VAV2: variants seen among roughly 807,000 people sequenced by gnomAD.
VAV2 encodes vav guanine nucleotide exchange factor 2.
A neutral mutation model predicts 132.5 loss-of-function variants in VAV2; 67 were observed. That is an observed-to-expected ratio of 0.51 (90% CI 0.42 to 0.62). VAV2 has a LOEUF of 0.62. Ranked by LOEUF, VAV2 falls within the 20% of genes least tolerant of loss-of-function variation. VAV2 has a pLI of 0.00. For missense variants in VAV2, 938 were observed against 1,153.6 expected, an observed-to-expected ratio of 0.81 and a Z score of 2.71; for synonymous variants, 492 against 443.5, an observed-to-expected ratio of 1.11 and a Z score of -1.37.
Position 133,861,357 on chromosome 9 carries a change from C to T in VAV2, c.380+17G>A, listed in dbSNP as rs1371460190. Reference sequence around the variant, plus strand: ...ATGAAAGGACCCGGCCTTGGCAGCGCACTCCGGAGAGCTCACCTGATCCCT... The same window carrying T: ...ATGAAAGGACCCGGCCTTGGCAGCGTACTCCGGAGAGCTCACCTGATCCCT... On this transcript the variant is annotated intron_variant, in intron 3 of 29. Transcript: ENST00000371850. The T allele has an allele frequency of 1.1e-5, 18 of 1,606,540 alleles. No individual in the cohort carries two copies. The highest frequency in any genetic ancestry group is 1.4e-5 in the Non-Finnish European group (17 of 1,175,858).
chr9:133,834,232 C>CTCCCTCCTCTCCA lies in VAV2; in HGVS notation c.449+27_449+39dup, dbSNP rs1373006860. On this transcript the variant is annotated intron_variant, in intron 4 of 29. Coordinates refer to ENST00000371850, the MANE Select transcript of VAV2 (RefSeq NM_001134398.2). The surrounding 1 kb of genome is among the most constrained non-coding windows in gnomAD (Gnocchi z 5.9). ...GACACCACCAGGAACCTCCCTGCCC[C>CTCCCTCCTCTCCA]TCCCTCCTCTCCATCCCTCCTCCCA... The CTCCCTCCTCTCCA allele has an allele frequency of 6.3e-7, 1 of 1,580,636 alleles. No homozygotes were observed. The highest frequency in any genetic ancestry group is 8.6e-7 in the Non-Finnish European group (1 of 1,160,934).
chr9:133,987,739 G>A (rs949359690), intron 1 of VAV2, among the ~76,000 whole-genome samples: 2 of 152,236 alleles, frequency 1.3e-5, no homozygotes, highest in East Asian at 1.9e-4. Flanking sequence ...AGGCAACCTC[G>A]GGACCTCCCA....
chr9:133,882,206 A>G (rs1838525162), intron 2 of VAV2, among the ~76,000 whole-genome samples: 1 of 152,344 alleles, frequency 6.6e-6, no homozygotes, highest in Admixed American at 6.5e-5. Flanking sequence ...AATAAACAGA[A>G]AGCAAGGCAA....
intron 2 of VAV2, among the ~76,000 whole-genome samples, chr9:133,913,290 A>C (rs1015073825): frequency 3.3e-5 from 5 of 152,202 alleles, no homozygotes; most frequent in Non-Finnish European, 1.5e-5. Context: ...CGTTGCCACC[A>C]CACAGAACGG....
chr9:133,903,078 G>GA (rs61131449), intron 2 of VAV2, among the ~76,000 whole-genome samples: 2,753 of 105,298 alleles, frequency 0.026, 91 homozygotes, highest in African/African-American at 0.066. Flanking sequence ...CCTGCCCCAG[G>GA]AAAAAAAAAA....
intron 1 of VAV2, among the ~76,000 whole-genome samples, chr9:133,946,714 T>TA (rs1171825420): frequency 2.0e-5 from 3 of 152,094 alleles, no homozygotes; most frequent in East Asian, 1.9e-4. Context: ...CTTTGATCAA[T>TA]AAAAAAATGG....
At chr9:133,983,413 C>T (rs1484055309) in intron 1 of VAV2, among the ~76,000 whole-genome samples, 1 of 152,188 alleles carries the variant, frequency 6.6e-6, no homozygotes, top group East Asian at 1.9e-4. Context: ...TCAACAGAGG[C>T]ACAGGGGGTG....
At chr9:133,929,560 G>C (rs535249558) in intron 2 of VAV2, among the ~76,000 whole-genome samples, 4 of 152,126 alleles carry the variant, frequency 2.6e-5, no homozygotes, top group Non-Finnish European at 5.9e-5. Context: ...AGGCAGAAGA[G>C]GAGAGGAATA....
chr9:133,981,347 C>T (rs948842335), intron 1 of VAV2, among the ~76,000 whole-genome samples: 2 of 152,238 alleles, frequency 1.3e-5, no homozygotes, highest in African/African-American at 2.4e-5. Flanking sequence ...CCCAGCAGCG[C>T]GCCCAGGGCT....
chr9:133,871,467 C>CAGATGGAT (rs1307975651), intron 2 of VAV2, among the ~76,000 whole-genome samples: 31 of 141,014 alleles, frequency 2.2e-4, no homozygotes, highest in African/African-American at 6.8e-4. Flanking sequence ...GATGGAGAAG[C>CAGATGGAT]GGATGGATGG....
intron 2 of VAV2, among the ~76,000 whole-genome samples, chr9:133,900,805 T>G (rs373382212): frequency 6.7e-4 from 84 of 125,650 alleles, no homozygotes; most frequent in Middle Eastern, 4.5e-3. Context: ...ATTTATTTAT[T>G]TATGTATTTT....
intron 5 of VAV2, among the ~76,000 whole-genome samples, chr9:133,811,593 G>T (rs528723420): frequency 5.1e-4 from 78 of 152,268 alleles, no homozygotes; most frequent in African/African-American, 1.8e-3. Context: ...GCAAACTGGC[G>T]TCCGAGAGAT....
At chr9:133,842,233 G>A (rs1836752836) in intron 3 of VAV2, among the ~76,000 whole-genome samples, 1 of 152,186 alleles carries the variant, frequency 6.6e-6, no homozygotes, top group South Asian at 2.1e-4. Context: ...CCTCCACTTG[G>A]CCGGTACAGA....
At chr9:133,977,289 G>T (rs1165051907) in intron 1 of VAV2, among the ~76,000 whole-genome samples, 1 of 152,232 alleles carries the variant, frequency 6.6e-6, no homozygotes, top group Non-Finnish European at 1.5e-5. Context: ...TCTGAAGGGG[G>T]TCTTGGCTTT....
intron 1 of VAV2, among the ~76,000 whole-genome samples, chr9:133,950,749 G>A (rs988811354): frequency 6.6e-6 from 1 of 152,122 alleles, no homozygotes; most frequent in Non-Finnish European, 1.5e-5. Flanking sequence ...TAGGACCTCA[G>A]CCCCTCCTCT....
chr9:133,789,333 A>G lies in VAV2; in HGVS notation c.1199T>C (p.Leu400Pro). The change falls in exon 14 of 30, where the codon CTG (leucine) becomes CCG (proline). Residue 400 changes from leucine (L) to proline (P), a missense_variant. Coordinates refer to ENST00000371850, the MANE Select transcript of VAV2 (RefSeq NM_001134398.2). ...AATCTTTGGTCTTCCAAATTCCTCC[A>G]GTTTCACTTGCTGGGAAGAAGGAGA... ...QSSIENLQVK[L>P]EEFGRPKIDG... 6.2e-7 allele frequency: 1 copy of G among 1,613,686 alleles called. No individual in the cohort carries two copies. The highest frequency in any genetic ancestry group is 8.5e-7 in the Non-Finnish European group (1 of 1,179,996).
intron 2 of VAV2, among the ~76,000 whole-genome samples, chr9:133,875,628 C>T (rs2131917556): frequency 1.3e-5 from 2 of 152,370 alleles, no homozygotes; most frequent in South Asian, 4.1e-4. Context: ...CTGCCAGTCC[C>T]TTCAAAAGCT....
intron 2 of VAV2, among the ~76,000 whole-genome samples, chr9:133,889,715 G>A (rs1480956603): frequency 3.9e-5 from 6 of 151,928 alleles, no homozygotes; most frequent in Non-Finnish European, 7.4e-5. Context: ...GGCACCCAAC[G>A]AGGCTCGGCT....
chr9:133,930,899 T>A (rs965941432), intron 2 of VAV2, among the ~76,000 whole-genome samples: 1 of 152,208 alleles, frequency 6.6e-6, no homozygotes, highest in Admixed American at 6.5e-5. Flanking sequence ...CAGTTTTAAC[T>A]GCCTCAGAAG....
Sources: allele counts gnomAD v4.1 joint callset (sites outside exome capture counted in the v4.1 genomes callset), GRCh38; gene constraint gnomAD v4.1.1; non-coding constraint Gnocchi (gnomAD v3.1); transcripts MANE v1.5; gene names NCBI Gene and HGNC (gene_info 2026-07-23, HGNC 2026-07-21).